The following DSCAM variants were observed in gnomAD, a reference collection of about 807,000 sequenced individuals.
DSCAM encodes cell adhesion molecule DSCAM.
Under a neutral mutation model 217.7 loss-of-function variants are expected in DSCAM, and 47 were observed. The observed-to-expected ratio is 0.22, with a 90% CI of 0.17 to 0.28. The LOEUF (loss-of-function observed/expected upper bound fraction) is 0.28, where lower values mean the gene tolerates loss of function less well. DSCAM is among the 10% of genes least tolerant of loss of function. The pLI is 1.00. For missense variants in DSCAM, 2,080 were observed against 2,618.3 expected (o/e 0.79, Z 4.49); for synonymous variants, 1,056 against 1,015.3 (o/e 1.04, Z -0.76).
chr21:40,200,681 G>T (rs1023070476), intron 11 of DSCAM, among the ~76,000 whole-genome samples: 2 of 152,140 alleles, frequency 1.3e-5, no homozygotes, highest in African/African-American at 4.8e-5. Flanking sequence ...TTCTTCTCAA[G>T]CCATTCAAAG....
chr21:40,185,898 TA>T (rs1393825040), intron 14 of DSCAM, among the ~76,000 whole-genome samples: 1 of 152,150 alleles, frequency 6.6e-6, no homozygotes, highest in African/African-American at 2.4e-5. Context: ...ATTTCTTGGC[TA>T]CGGTGAGACT....
intron 1 of DSCAM, among the ~76,000 whole-genome samples, chr21:40,766,993 C>T: frequency 6.6e-6 from 1 of 152,246 alleles, no homozygotes; most frequent in South Asian, 2.1e-4. Context: ...GCCAAAAAAC[C>T]TTTCTTAATT....
At chr21:40,188,150 G>T (rs577361217) in intron 12 of DSCAM, among the ~76,000 whole-genome samples, 163 bp from the exon 13 acceptor site, 195 of 151,906 alleles carry the variant, frequency 1.3e-3, no homozygotes, top group South Asian at 5.4e-3. Context: ...CATTCCTCCA[G>T]ACTCACATAC....
At chr21:40,828,718 C>T (rs544236842) in intron 1 of DSCAM, among the ~76,000 whole-genome samples, 1 of 149,918 alleles carries the variant, frequency 6.7e-6, no homozygotes, top group African/African-American at 2.5e-5. Context: ...TGCAGTGGCA[C>T]AATCTCAGCT....
intron 10 of DSCAM, among the ~76,000 whole-genome samples, chr21:40,292,134 C>T (rs565136556): frequency 6.7e-6 from 1 of 148,542 alleles, no homozygotes; most frequent in Non-Finnish European, 1.5e-5. Context: ...AAAAAGAGAA[C>T]TGAATGTCTC....
chr21:40,027,738 A>C (rs1433895043), intron 32 of DSCAM, among the ~76,000 whole-genome samples: 1 of 8,528 alleles, frequency 1.2e-4, no homozygotes, highest in African/African-American at 5.5e-4. Context: ...CAGCTCCTTT[A>C]AGCACTTCTG....
chr21:40,579,076 A>C (rs748420651), intron 3 of DSCAM, among the ~76,000 whole-genome samples: 28 of 152,200 alleles, frequency 1.8e-4, no homozygotes, highest in Non-Finnish European at 3.4e-4. Flanking sequence ...GGTAGAGGGA[A>C]TGGGCTATAG....
chr21:40,154,091 G>T (rs2090451341), intron 16 of DSCAM, among the ~76,000 whole-genome samples: 1 of 152,076 alleles, frequency 6.6e-6, no homozygotes, highest in South Asian at 2.1e-4. Flanking sequence ...TGGATTTTGA[G>T]GGGGCTATGT....
Position 40,239,932 on chromosome 21 carries a change from G to A in DSCAM, c.2356+36165C>T, listed in dbSNP as rs142432795. 6.3e-3 allele frequency among the ~76,000 whole-genome samples: 954 copies of A among 152,294 alleles called. 6 individuals are homozygous for A. The highest frequency in any genetic ancestry group is 0.01 in the Non-Finnish European group (683 of 68,026). ...GGGGCCTCTCCAGGCGAGCATCTCA[G>A]TTATACTTCCATCAGGTCCTGGCAG... On this transcript the variant is annotated intron_variant, in intron 11 of 32. Coordinates refer to ENST00000400454, the MANE Select transcript of DSCAM (RefSeq NM_001389.5).
In DSCAM at chr21:40,347,799, T is replaced by C; in HGVS notation, c.1081A>G (p.Arg361Gly). ...TTTTCGTGGTTGATCCCTGTGATCCTCACATTTTTTCCAGGGTTGAGGATT... is the reference window on the plus strand; with the variant it reads ...TTTTCGTGGTTGATCCCTGTGATCCCCACATTTTTTCCAGGGTTGAGGATT... ...GEILNPGKNV[R>G]ITGINHENLI... Residue 361 changes from arginine (R) to glycine (G), a missense_variant, in exon 6 of 33, where the codon AGG (arginine) becomes GGG (glycine). Arg to Gly is a moderately radical substitution (Grantham distance 125). This residue lies in a region of DSCAM where 568 missense variants were observed against 678.1 expected (regional missense o/e 0.84). Coordinates refer to ENST00000400454, the MANE Select transcript of DSCAM (RefSeq NM_001389.5). 2 of 1,614,190 alleles carry C rather than the reference T, an allele frequency of 1.2e-6. No individual in the cohort carries two copies. Among genetic ancestry groups the C allele is most frequent in the Middle Eastern group, 1.7e-4 (1 of 6,054 alleles).
intron 14 of DSCAM, among the ~76,000 whole-genome samples, chr21:40,179,934 C>T (rs1267748801): frequency 6.6e-6 from 1 of 152,164 alleles, no homozygotes; most frequent in African/African-American, 2.4e-5. Context: ...AAAAGGAGGG[C>T]CCAAGACAGT....
chr21:40,201,250 G>T (rs2091066438), intron 11 of DSCAM, among the ~76,000 whole-genome samples: 1 of 152,132 alleles, frequency 6.6e-6, no homozygotes, highest in Non-Finnish European at 1.5e-5. Flanking sequence ...TCACTCTGAA[G>T]TTATTTCAAG....
intron 8 of DSCAM, among the ~76,000 whole-genome samples, chr21:40,337,310 AT>A (rs1239017858): frequency 3.3e-5 from 5 of 152,196 alleles, no homozygotes; most frequent in African/African-American, 1.2e-4. Flanking sequence ...GGTTTCGGAA[AT>A]AGTTTTATAA....
chr21:40,626,897 C>T (rs1462367526), intron 3 of DSCAM, among the ~76,000 whole-genome samples: 1 of 152,150 alleles, frequency 6.6e-6, no homozygotes, highest in Non-Finnish European at 1.5e-5. Context: ...AAAGCGAATG[C>T]TATAAAACTT....
intron 32 of DSCAM, among the ~76,000 whole-genome samples, chr21:40,031,180 T>C (rs2088516272): frequency 6.6e-6 from 1 of 152,156 alleles, no homozygotes; most frequent in South Asian, 2.1e-4. Flanking sequence ...TCCTGGGCTG[T>C]GCCAGTTCCT....
At chr21:40,219,151 T>C (rs2091268833) in intron 11 of DSCAM, among the ~76,000 whole-genome samples, 2 of 152,362 alleles carry the variant, frequency 1.3e-5, no homozygotes, top group South Asian at 4.1e-4. Flanking sequence ...GTATGTTCCT[T>C]CAATACCTAG....
chr21:40,551,956 T>A (rs2146160173), intron 3 of DSCAM, among the ~76,000 whole-genome samples: 1 of 152,266 alleles, frequency 6.6e-6, no homozygotes. Context: ...GGGCTTAGAC[T>A]TGTATTTTTT....
intron 1 of DSCAM, among the ~76,000 whole-genome samples, chr21:40,806,772 A>G (rs1022593811): frequency 6.6e-6 from 1 of 152,212 alleles, no homozygotes; most frequent in African/African-American, 2.4e-5. Flanking sequence ...ATGGAATACT[A>G]TGCAGCCATA....
intron 3 of DSCAM, among the ~76,000 whole-genome samples, chr21:40,453,581 G>C (rs1474644598): frequency 6.6e-6 from 1 of 152,132 alleles, no homozygotes; most frequent in Non-Finnish European, 1.5e-5. Flanking sequence ...CAACACCTTA[G>C]GATGACAATT....
Sources: allele counts gnomAD v4.1 joint callset (sites outside exome capture counted in the v4.1 genomes callset), GRCh38; gene constraint gnomAD v4.1.1; regional missense constraint gnomAD v4.1.1; transcripts MANE v1.5; gene names NCBI Gene and HGNC (gene_info 2026-07-23, HGNC 2026-07-21).